The following TMEM74 variants were observed in gnomAD, a reference collection of about 807,000 sequenced individuals.
The protein encoded by TMEM74 is transmembrane protein 74.
In TMEM74, 13 loss-of-function variants were observed where a neutral mutation model predicts 18.1. The ratio of observed to expected loss-of-function variants is 0.72; its 90% CI spans 0.47 to 1.14. The LOEUF is 1.14. TMEM74 is among the 50% of genes most tolerant of loss of function. TMEM74 has a pLI of 0.00. For missense variants in TMEM74, 372 were observed against 375.9 expected, an observed-to-expected ratio of 0.99 and a Z score of 0.09; for synonymous variants, 159 against 146.6, an observed-to-expected ratio of 1.08 and a Z score of -0.61.
chr8:108,645,513 G>A (rs888961548), intron 2 of TMEM74, among the ~76,000 whole-genome samples: 1 of 152,160 alleles, frequency 6.6e-6, no homozygotes, highest in Non-Finnish European at 1.5e-5. Flanking sequence ...TTTTGGTTGT[G>A]CTAGAGAAAT....
At chr8:108,729,846 C>T (rs1378399838) in intron 1 of TMEM74, among the ~76,000 whole-genome samples, 1 of 152,170 alleles carries the variant, frequency 6.6e-6, no homozygotes, top group Non-Finnish European at 1.5e-5. Flanking sequence ...AAGGAGCTCA[C>T]AGCCTGGCTG....
chr8:108,739,318 C>G (rs912576149), intron 1 of TMEM74, among the ~76,000 whole-genome samples: 3 of 152,160 alleles, frequency 2.0e-5, no homozygotes, highest in Non-Finnish European at 2.9e-5. Context: ...CTGGGCAATA[C>G]AGTCTCATGG....
chr8:108,638,779 G>T (rs1198036837), intron 2 of TMEM74, among the ~76,000 whole-genome samples: 1 of 152,088 alleles, frequency 6.6e-6, no homozygotes, highest in Non-Finnish European at 1.5e-5. Context: ...TTTCACACAG[G>T]TCTGTGATGC....
intron 1 of TMEM74, among the ~76,000 whole-genome samples, chr8:108,717,643 G>A (rs1053457021): frequency 6.6e-6 from 1 of 152,134 alleles, no homozygotes; most frequent in Non-Finnish European, 1.5e-5. Flanking sequence ...GATTAAGGTG[G>A]CTTTACTGGA....
chr8:108,622,809 A>G (rs1366208609), intron 2 of TMEM74, among the ~76,000 whole-genome samples: 2 of 152,144 alleles, frequency 1.3e-5, no homozygotes, highest in Non-Finnish European at 2.9e-5. Flanking sequence ...ACTTTATGCT[A>G]CATATTTCAG....
At chr8:108,770,732 A>C (rs1490354269) in intron 1 of TMEM74, among the ~76,000 whole-genome samples, 3 of 152,166 alleles carry the variant, frequency 2.0e-5, no homozygotes, top group Non-Finnish European at 2.9e-5. Context: ...AAATATTAAC[A>C]TATTATATTT....
At chr8:108,670,688 C>G (rs559349919) in intron 1 of TMEM74, among the ~76,000 whole-genome samples, 1 of 152,116 alleles carries the variant, frequency 6.6e-6, no homozygotes, top group South Asian at 2.1e-4. Flanking sequence ...AGTCAGGATA[C>G]AGAAAAACAT....
At chr8:108,614,338 A>G (rs2935780) in intron 2 of TMEM74, among the ~76,000 whole-genome samples, 33,596 of 151,974 alleles carry the variant, frequency 0.22, 3,765 homozygotes, top group East Asian at 0.27. Flanking sequence ...CCTTAGTTCC[A>G]ATACCCCTGA....
intron 1 of TMEM74, among the ~76,000 whole-genome samples, chr8:108,729,633 AT>A (rs1400155733): frequency 6.6e-6 from 1 of 152,238 alleles, no homozygotes; most frequent in Non-Finnish European, 1.5e-5. Flanking sequence ...AATATTATAG[AT>A]ATTTCCCTAT....
chr8:108,635,991 C>T (rs975330205), intron 2 of TMEM74, among the ~76,000 whole-genome samples: 1 of 151,956 alleles, frequency 6.6e-6, no homozygotes, highest in African/African-American at 2.4e-5. Flanking sequence ...TTTAAGCAGC[C>T]CTTTAAAATC....
intron 1 of TMEM74, among the ~76,000 whole-genome samples, chr8:108,680,694 G>C (rs1354808952): frequency 1.3e-5 from 2 of 152,066 alleles, no homozygotes; most frequent in African/African-American, 2.4e-5. Flanking sequence ...GGAAATAAAG[G>C]GTATTCAATT....
chr8:108,618,789 T>A (rs1332026553), intron 2 of TMEM74, among the ~76,000 whole-genome samples: 2 of 152,192 alleles, frequency 1.3e-5, no homozygotes, highest in Non-Finnish European at 2.9e-5. Flanking sequence ...TTCAGTGACC[T>A]TGTGTACTGC....
chr8:108,663,088 A>T (rs1227724534), intron 1 of TMEM74, among the ~76,000 whole-genome samples: 5 of 152,192 alleles, frequency 3.3e-5, no homozygotes, highest in Admixed American at 3.3e-4. Flanking sequence ...AAAAATTGAC[A>T]AATGGGATCT....
chr8:108,734,113 C>T (rs751952693), intron 1 of TMEM74, among the ~76,000 whole-genome samples: 13 of 152,034 alleles, frequency 8.6e-5, no homozygotes, highest in Non-Finnish European at 1.6e-4. Context: ...AAGATCTGCC[C>T]GCAATGTAGG....
intron 1 of TMEM74, among the ~76,000 whole-genome samples, chr8:108,670,987 C>G (rs974179491): frequency 6.6e-6 from 1 of 151,992 alleles, no homozygotes; most frequent in Non-Finnish European, 1.5e-5. Flanking sequence ...CATACCTATG[C>G]TTAGTGATAT....
At chr8:108,696,975 C>T (rs74357056) in intron 1 of TMEM74, among the ~76,000 whole-genome samples, 4,471 of 152,240 alleles carry the variant, frequency 0.029, 121 homozygotes, top group African/African-American at 0.066. Flanking sequence ...CAGCAGATTC[C>T]GTCTTCACCT....
intron 2 of TMEM74, among the ~76,000 whole-genome samples, chr8:108,645,136 A>T (rs1341529759): frequency 6.6e-6 from 1 of 152,154 alleles, no homozygotes; most frequent in East Asian, 1.9e-4. Flanking sequence ...GGATAAAAAA[A>T]TGTGGTGCAT....
chr8:108,756,648 AAG>A (rs541382753), intron 1 of TMEM74, among the ~76,000 whole-genome samples: 905 of 44,232 alleles, frequency 0.02, 42 homozygotes, highest in African/African-American at 0.036. Context: ...GGAAGAAAGA[AAG>A]AGAAAGAAAG....
chr8:108,654,058 A>T (rs969974746), intron 2 of TMEM74, among the ~76,000 whole-genome samples: 1 of 152,196 alleles, frequency 6.6e-6, no homozygotes, highest in Non-Finnish European at 1.5e-5. Flanking sequence ...GGTTGAAGGT[A>T]GAGGGGTTTG....
Sources: allele counts gnomAD v4.1 joint callset (sites outside exome capture counted in the v4.1 genomes callset), GRCh38; gene constraint gnomAD v4.1.1; transcripts MANE v1.5; gene names NCBI Gene and HGNC (gene_info 2026-07-23, HGNC 2026-07-21).